Variants in CDH12 observed in about 807,000 individuals in gnomAD.
The protein encoded by CDH12 is cadherin 12.
Under a neutral mutation model 74.1 loss-of-function variants are expected in CDH12, and 41 were observed. The ratio of observed to expected loss-of-function variants is 0.55; its 90% CI spans 0.43 to 0.72. The LOEUF (loss-of-function observed/expected upper bound fraction) is 0.72, where lower values mean the gene tolerates loss of function less well. Among genes scored for constraint, CDH12 ranks in the 30% least tolerant of loss-of-function variants. The pLI, the probability that CDH12 is intolerant of heterozygous loss-of-function variation, is 0.00. For synonymous variants in CDH12, 399 were observed against 355.0 expected (o/e 1.12, Z -1.39); for missense variants, 945 against 977.2 (o/e 0.97, Z 0.44).
At chr5:22,561,484 CA>C (rs1739041496) in intron 1 of CDH12, among the ~76,000 whole-genome samples, 5 of 151,922 alleles carry the variant, frequency 3.3e-5, no homozygotes, top group Admixed American at 3.3e-4. Context: ...AATTAGATCT[CA>C]AAAAAGACAA....
At chr5:22,367,284 G>A (rs1479475115) in intron 3 of CDH12, among the ~76,000 whole-genome samples, 1 of 152,142 alleles carries the variant, frequency 6.6e-6, no homozygotes, top group Non-Finnish European at 1.5e-5. Context: ...GGATGGACAT[G>A]AGGAAATTGG....
At chr5:21,827,490 C>T (rs185417358) in intron 8 of CDH12, among the ~76,000 whole-genome samples, 744 of 152,230 alleles carry the variant, frequency 4.9e-3, no homozygotes, top group Non-Finnish European at 7.5e-3. Flanking sequence ...GAAAAGAAAA[C>T]TTATTACATC....
intron 4 of CDH12, among the ~76,000 whole-genome samples, chr5:22,182,593 A>G (rs1749706458): frequency 6.6e-6 from 1 of 152,218 alleles, no homozygotes; most frequent in South Asian, 2.1e-4. Context: ...ATAGGAAAAT[A>G]AAAGGAAGAG....
At chr5:22,687,018 A>G (rs2126937222) in intron 1 of CDH12, among the ~76,000 whole-genome samples, 1 of 152,346 alleles carries the variant, frequency 6.6e-6, no homozygotes, top group South Asian at 2.1e-4. Flanking sequence ...AAAATGGGCC[A>G]GGTGCGGTGG....
At chr5:22,379,857 G>A (rs1452766277) in intron 3 of CDH12, among the ~76,000 whole-genome samples, 1 of 152,164 alleles carries the variant, frequency 6.6e-6, no homozygotes, top group Non-Finnish European at 1.5e-5. Context: ...GGGCTCACAT[G>A]ATCCTTCTGC....
chr5:22,822,180 T>C (rs949738773), intron 1 of CDH12, among the ~76,000 whole-genome samples: 2 of 151,958 alleles, frequency 1.3e-5, no homozygotes, highest in Non-Finnish European at 2.9e-5. Flanking sequence ...GCTAGCCATA[T>C]GTAGAAAGCT....
chr5:22,162,750 G>T (rs1580344290), intron 4 of CDH12, among the ~76,000 whole-genome samples: 2 of 152,076 alleles, frequency 1.3e-5, no homozygotes, highest in East Asian at 3.9e-4. Context: ...TTTGTCAGCT[G>T]CTCTAGTACT....
chr5:21,831,449 A>G (rs77460009), intron 8 of CDH12, among the ~76,000 whole-genome samples: 6,734 of 152,232 alleles, frequency 0.044, 167 homozygotes, highest in African/African-American at 0.065. Flanking sequence ...CACAGGTGCA[A>G]TATATGTGAG....
rs1411301944 is a variant in CDH12, at chr5:22,576,871, C to T, written c.-522-71507G>A. Among the ~76,000 whole-genome samples, 3 of 152,224 alleles carry T rather than the reference C, an allele frequency of 2.0e-5. No homozygotes were observed. The East Asian group carries it at 5.8e-4, about 29-fold the overall frequency. Reference sequence around the variant, plus strand: ...ATGTTTTTCAATCTTTTTCTCCATACTCTAGCAGAGTTTGCTTTACGAAAC... The same window carrying T: ...ATGTTTTTCAATCTTTTTCTCCATATTCTAGCAGAGTTTGCTTTACGAAAC... On this transcript the variant is annotated intron_variant, in intron 1 of 14. Transcript: ENST00000382254.
chr5:22,386,600 A>C (rs1407894472), intron 3 of CDH12, among the ~76,000 whole-genome samples: 1 of 152,228 alleles, frequency 6.6e-6, no homozygotes, highest in East Asian at 1.9e-4. Context: ...AAAATCTATT[A>C]TTCTTAGTTT....
intron 1 of CDH12, among the ~76,000 whole-genome samples, chr5:22,604,720 A>G (rs1737012052): frequency 6.6e-6 from 1 of 152,164 alleles, no homozygotes. Flanking sequence ...TCCTCTGGGG[A>G]GCCATGTGGC....
chr5:21,800,448 G>A (rs995656354), intron 10 of CDH12, among the ~76,000 whole-genome samples: 1 of 152,216 alleles, frequency 6.6e-6, no homozygotes, highest in Admixed American at 6.5e-5. Flanking sequence ...GAGGTAATTA[G>A]TTGATCCGGA....
intron 1 of CDH12, among the ~76,000 whole-genome samples, chr5:22,579,542 A>G (rs533938817): frequency 6.6e-6 from 1 of 152,066 alleles, no homozygotes; most frequent in South Asian, 2.1e-4. Context: ...TTATTTTTTT[A>G]TATTGTTGTT....
In CDH12 at chr5:21,759,717, G is replaced by A. The variant is rs1353020598; in HGVS notation, c.1633+841C>T. Among the ~76,000 whole-genome samples, 4 of 151,966 alleles carry A rather than the reference G, an allele frequency of 2.6e-5. 1 individual carries two copies. The highest frequency in any genetic ancestry group is 4.2e-4 in the South Asian group (2 of 4,804). ...CGTTTATTTTAGATTTGAGGGTAACGTGAAGGTGTGTTACATAGGTAAACA... is the reference window on the plus strand; with the variant it reads ...CGTTTATTTTAGATTTGAGGGTAACATGAAGGTGTGTTACATAGGTAAACA... On this transcript the variant is annotated intron_variant, in intron 13 of 14. Coordinates refer to ENST00000382254, the MANE Select transcript of CDH12 (RefSeq NM_004061.5).
At chr5:21,851,822 A>G (rs1296468013) in intron 7 of CDH12, among the ~76,000 whole-genome samples, 2 of 151,386 alleles carry the variant, frequency 1.3e-5, no homozygotes, top group Non-Finnish European at 1.5e-5. Flanking sequence ...TGTTTGTCAA[A>G]CAGCAGTGTC....
chr5:22,836,708 G>T (rs573825368), intron 1 of CDH12, among the ~76,000 whole-genome samples: 2 of 152,180 alleles, frequency 1.3e-5, no homozygotes, highest in African/African-American at 4.8e-5. Context: ...AAACAAAGTT[G>T]TAAGTTTCCT....
chr5:21,915,147 C>T (rs562685969), intron 6 of CDH12, among the ~76,000 whole-genome samples: 31 of 152,232 alleles, frequency 2.0e-4, no homozygotes, highest in Middle Eastern at 3.4e-3. Flanking sequence ...CAAAAAGTAA[C>T]ATAATTAGAA....
chr5:21,934,099 T>C (rs1273823569), intron 6 of CDH12, among the ~76,000 whole-genome samples: 1 of 152,102 alleles, frequency 6.6e-6, no homozygotes, highest in Non-Finnish European at 1.5e-5. Flanking sequence ...CAGCTCCATA[T>C]TGAGTTACAC....
chr5:22,458,906 T>A (rs1745396316), intron 2 of CDH12, among the ~76,000 whole-genome samples: 1 of 152,054 alleles, frequency 6.6e-6, no homozygotes, highest in Admixed American at 6.6e-5. Flanking sequence ...TTGTTTTGGG[T>A]TTTTTCTTTT....
Sources: gnomAD v4.1 joint callset for allele counts (sites outside exome capture counted in the v4.1 genomes callset) on GRCh38, gnomAD v4.1.1 for gene constraint, MANE v1.5 for transcripts, NCBI Gene and HGNC (gene_info 2026-07-23, HGNC 2026-07-21) for gene names.